ALDH7A1: variants seen among roughly 807,000 people sequenced by gnomAD.
ALDH7A1 encodes alpha-aminoadipic semialdehyde dehydrogenase.
A neutral mutation model predicts 79.9 loss-of-function variants in ALDH7A1; 63 were observed. That is an observed-to-expected ratio of 0.79 (90% CI 0.64 to 0.97). The LOEUF is 0.97. Ranked by LOEUF, ALDH7A1 falls within the 50% of genes least tolerant of loss-of-function variation. ALDH7A1 has a pLI of 0.00. For missense variants in ALDH7A1, 627 were observed against 665.2 expected (o/e 0.94, Z 0.63); for synonymous variants, 240 against 231.2 (o/e 1.04, Z -0.34).
intron 8 of ALDH7A1, chr5:126,568,894 A>G: frequency 1.3e-5 from 2 of 158,888 alleles, no homozygotes; most frequent in Non-Finnish European, 2.8e-5. Context: ...ACTCCAGCCT[A>G]GGTGACAGAG....
At chr5:126,593,465 T>C (rs1432134916) in intron 1 of ALDH7A1, 61 bp from the exon 2 acceptor site, 7 of 1,607,572 alleles carry the variant, frequency 4.4e-6, no homozygotes, top group Non-Finnish European at 5.1e-6. Flanking sequence ...AGTAAGGGAA[T>C]AGACCAAACG....
intron 4 of ALDH7A1, 95 bp from the exon 5 acceptor site, chr5:126,583,069 A>C: frequency 1.4e-6 from 2 of 1,456,692 alleles, no homozygotes; most frequent in Non-Finnish European, 1.9e-6. Flanking sequence ...TGTTTTGTAA[A>C]TGTAATAAAC....
chr5:126,555,892 C>A, intron 12 of ALDH7A1, 39 bp downstream of exon 12: 1 of 1,518,552 alleles, frequency 6.6e-7, no homozygotes, highest in South Asian at 1.1e-5. Flanking sequence ...CAACAGCTCT[C>A]AAAAAGGGAT....
In ALDH7A1 at chr5:126,570,865, A is replaced by C. The variant is rs372348364; in HGVS notation, c.696-6T>G. 1.2e-6 allele frequency: 2 copies of C among 1,613,582 alleles called. No individual in the cohort carries two copies. Among genetic ancestry groups the C allele is most frequent in the African/African-American group, 2.7e-5 (2 of 74,924 alleles). On this transcript the variant is annotated splice_polypyrimidine_tract_variant and splice_region_variant and intron_variant, in intron 7 of 17. Coordinates refer to ENST00000409134, the MANE Select transcript of ALDH7A1 (RefSeq NM_001182.5). Reference sequence around the variant, plus strand: ...CCAGAACCTTGGCTATTATCCTAGAAAGGAAAAAGCAATTACTGAGGCAAT... The same window carrying C: ...CCAGAACCTTGGCTATTATCCTAGACAGGAAAAAGCAATTACTGAGGCAAT...
intron 3 of ALDH7A1, among the ~76,000 whole-genome samples, chr5:126,589,650 G>C (rs1056885902): frequency 6.6e-6 from 1 of 151,886 alleles, no homozygotes; most frequent in Admixed American, 6.5e-5. Flanking sequence ...CTGCCACTCC[G>C]TCTGGGAAGT....
At chr5:126,592,789 T>C (rs1315353356) in intron 2 of ALDH7A1, 60 bp from the exon 3 acceptor site, 12 of 1,492,600 alleles carry the variant, frequency 8.0e-6, no homozygotes, top group African/African-American at 6.9e-5. Context: ...GATGATCTTC[T>C]AGAACACAAA....
chr5:126,586,220 T>G (rs1368583144), intron 3 of ALDH7A1: 2 of 152,230 alleles, frequency 1.3e-5, no homozygotes, highest in African/African-American at 4.8e-5. Flanking sequence ...TTTCACAACA[T>G]ATGCACACTT....
intron 8 of ALDH7A1, chr5:126,569,922 G>A (rs996384850): frequency 6.6e-6 from 1 of 152,200 alleles, no homozygotes; most frequent in African/African-American, 2.4e-5. Context: ...TGTAAGACTT[G>A]ACTCCTGAAA....
At position 126,561,140 on chromosome 5, in the gene ALDH7A1, T is replaced by G. The variant is rs772482935; in HGVS notation, c.872-16A>C. The G allele has an allele frequency of 2.5e-6, 4 of 1,592,116 alleles. No individual in the cohort carries two copies. In the South Asian group the frequency reaches 4.5e-5, roughly 18 times the overall value. On this transcript the variant is annotated splice_polypyrimidine_tract_variant and intron_variant, in intron 9 of 17. Coordinates refer to ENST00000409134, the MANE Select transcript of ALDH7A1 (RefSeq NM_001182.5). ...AGACTTCTCCCTTAAAAGAAAAAAATTATATATAAAAATTAATGCCTACTT... is the reference window on the plus strand; with the variant it reads ...AGACTTCTCCCTTAAAAGAAAAAAAGTATATATAAAAATTAATGCCTACTT...
intron 12 of ALDH7A1, chr5:126,554,949 C>A (rs143730906): frequency 5.2e-4 from 95 of 181,620 alleles, no homozygotes; most frequent in African/African-American, 2.1e-3. Flanking sequence ...GAGGAGGAGG[C>A]ATGTTAGCAG....
At chr5:126,573,685 A>G (rs1750859887) in intron 7 of ALDH7A1, among the ~76,000 whole-genome samples, 1 of 150,162 alleles carries the variant, frequency 6.7e-6, no homozygotes, top group Admixed American at 6.6e-5. Context: ...TGACAGAGCA[A>G]GACTCAGTCT....
At position 126,568,113 on chromosome 5, in the gene ALDH7A1, T is replaced by G. The variant is rs1340157936; in HGVS notation, c.871+146A>C. On this transcript the variant is annotated intron_variant, in intron 9 of 17. Coordinates refer to ENST00000409134, the MANE Select transcript of ALDH7A1 (RefSeq NM_001182.5). ...TCCCTAATATTCTACTGCTAATAAC[T>G]GTACCCTTTTCTTTTACTTAGACAT... The G allele has an allele frequency of 4.0e-6, 3 of 754,412 alleles. No homozygotes were observed. In the African/African-American group the frequency reaches 5.2e-5, roughly 13 times the overall value. 46.7% of individuals were successfully genotyped at this position (754,412 alleles called of 1,614,324 possible).
In ALDH7A1 at chr5:126,593,619, G is replaced by A. The variant is rs1338592245; in HGVS notation, c.193-215C>T. On this transcript the variant is annotated intron_variant, in intron 1 of 17. Transcript: ENST00000409134. ...TAGAAACTACCTTTCTGCAAAACTC[G>A]CCTCTGACATCTCAATATTAGGCAT... is the stretch of plus-strand genomic sequence containing the variant. The A allele has an allele frequency of 2.0e-5, 13 of 663,252 alleles. No homozygotes were observed. The East Asian group carries it at 2.4e-4, about 12-fold the overall frequency. The allele number at this position is 663,252 out of a possible 1,614,324, so 41.1% of individuals were successfully genotyped here.
chr5:126,556,390 C>T (rs1750197637), intron 11 of ALDH7A1, among the ~76,000 whole-genome samples: 1 of 151,794 alleles, frequency 6.6e-6, no homozygotes, highest in Admixed American at 6.6e-5. Context: ...TTACAGGCAC[C>T]CACCACCACA....
At chr5:126,594,382 C>A in intron 1 of ALDH7A1, 1 of 398,980 alleles carries the variant, frequency 2.5e-6, no homozygotes, top group South Asian at 1.8e-5. Flanking sequence ...TCAGTTGCAC[C>A]GCTCAGTGTG....
intron 9 of ALDH7A1, among the ~76,000 whole-genome samples, chr5:126,565,394 CAAAAAAAAAAAA>C (rs1162552475): frequency 1.1e-4 from 7 of 63,352 alleles, no homozygotes; most frequent in East Asian, 1.6e-3. Context: ...GATTCCATCT[CAAAAAAAAAAAA>C]AAAAAAAAAA....
At chr5:126,551,813 C>T (rs1435302474) in intron 14 of ALDH7A1, among the ~76,000 whole-genome samples, 1 of 152,152 alleles carries the variant, frequency 6.6e-6, no homozygotes, top group Non-Finnish European at 1.5e-5. Context: ...TGGTCCACTA[C>T]CCAATCTGGT....
intron 14 of ALDH7A1, among the ~76,000 whole-genome samples, 192 bp from the exon 15 acceptor site, chr5:126,550,485 T>C (rs1039200408): frequency 6.6e-6 from 1 of 152,080 alleles, no homozygotes; most frequent in Non-Finnish European, 1.5e-5. Flanking sequence ...TTGGGATTTT[T>C]CCCCTAATTA....
In ALDH7A1 at chr5:126,559,831, C is replaced by G. The variant is rs116021391; in HGVS notation, c.914-497G>C. On this transcript the variant is annotated intron_variant, in intron 10 of 17. Transcript: ENST00000409134. ...CATATATAGACGAGGGGGAAAGGCACACTCTTCTTCCAAGGAAGATTATGA... is the reference window on the plus strand; with the variant it reads ...CATATATAGACGAGGGGGAAAGGCAGACTCTTCTTCCAAGGAAGATTATGA... Among the ~76,000 whole-genome samples the G allele has an allele frequency of 7.0e-3, 1,071 of 152,220 alleles. 17 individuals are homozygous for G. The highest frequency in any genetic ancestry group is 0.025 in the African/African-American group (1,033 of 41,534).
Sources: allele counts gnomAD v4.1 joint callset (sites outside exome capture counted in the v4.1 genomes callset), GRCh38; gene constraint gnomAD v4.1.1; transcripts MANE v1.5; gene names NCBI Gene and HGNC (gene_info 2026-07-23, HGNC 2026-07-21).